APOL1: variants seen among roughly 807,000 people sequenced by gnomAD.
The protein encoded by APOL1 is apolipoprotein L1, also known as apolipoprotein L 1.
APOL1 carries 17 observed loss-of-function variants against 14.9 expected under a neutral mutation model. The observed-to-expected ratio is 1.14, with a 90% confidence interval of 0.78 to 1.71. The LOEUF (loss-of-function observed/expected upper bound fraction) is 1.71, where lower values mean the gene tolerates loss of function less well. Ranked by LOEUF, APOL1 falls within the 40% of genes most tolerant of loss-of-function variation. The pLI is 0.00. For synonymous variants in APOL1, 195 were observed against 184.8 expected (o/e 1.05, Z -0.45); for missense variants, 523 against 485.9 (o/e 1.08, Z -0.72).
At position 36,259,692 on chromosome 22, in the gene APOL1, A is replaced by C. The variant is rs547985502; in HGVS notation, c.188-1904A>C. The C allele has an allele frequency of 2.5e-5, 33 of 1,303,462 alleles. No homozygotes were observed. In the South Asian group the frequency reaches 4.0e-4, roughly 16 times the overall value. 80.7% of individuals were successfully genotyped at this position (1,303,462 alleles called of 1,614,324 possible). A position where few individuals can be genotyped will look rare whatever the true frequency, so the allele number is the denominator to read the frequency against. ...AGGCCCAGCTGGGTCCAGAGGTGAC[A>C]GTGGAGAGCCGTGTACCCTGAGACC... On this transcript the variant is annotated intron_variant, in intron 4 of 5. Coordinates refer to ENST00000397278, the MANE Select transcript of APOL1 (RefSeq NM_003661.4).
rs1603481811 is a variant in APOL1 at position 36,253,167 on chromosome 22, A to C, written c.-72A>C. On this transcript the variant is annotated 5_prime_UTR_variant, in exon 1 of 6. Coordinates refer to ENST00000397278, the MANE Select transcript of APOL1 (RefSeq NM_003661.4). Reference sequence around the variant, plus strand: ...ACGCATAACTGGAGGTGGGATCCACACAGCTCAGAACAGCTGGATCTTGCT... The same window carrying C: ...ACGCATAACTGGAGGTGGGATCCACCCAGCTCAGAACAGCTGGATCTTGCT... 2.0e-6 allele frequency: 1 copy of C among 504,864 alleles called. No homozygotes were observed. Among genetic ancestry groups the C allele is most frequent in the East Asian group, 5.9e-5 (1 of 16,898 alleles). The allele number at this position is 504,864 out of a possible 1,614,324, so 31.3% of individuals were successfully genotyped here.
rs2016259048 is a variant in APOL1, at chr22:36,266,277, G to C, written c.*244G>C. 4.3e-6 allele frequency: 2 copies of C among 470,284 alleles called. No individual in the cohort carries two copies. The highest frequency in any genetic ancestry group is 7.5e-6 in the Non-Finnish European group (2 of 268,454). The allele number at this position is 470,284 out of a possible 1,614,324, so 29.1% of individuals were successfully genotyped here. ...AGCTAATTTTTGTATTTTTAATAGA[G>C]ATGGGGTTTCACCATGTTGGCCAGG... is the stretch of plus-strand genomic sequence containing the variant. On this transcript the variant is annotated 3_prime_UTR_variant, in exon 6 of 6. Coordinates refer to ENST00000397278, the MANE Select transcript of APOL1 (RefSeq NM_003661.4).
At chr22:36,254,493 A>G (rs933892709) in intron 1 of APOL1, among the ~76,000 whole-genome samples, 2 of 152,090 alleles carry the variant, frequency 1.3e-5, no homozygotes, top group South Asian at 2.1e-4. Flanking sequence ...CTTGAGCCCA[A>G]CAGATCTAGG....
At chr22:36,255,029 A>C in intron 2 of APOL1, 30 bp downstream of exon 2, 1 of 1,600,944 alleles carries the variant, frequency 6.2e-7, no homozygotes, top group Non-Finnish European at 8.6e-7. Flanking sequence ...CTGAGGCGGG[A>C]GGGAGGGCTC....
At chr22:36,258,441 T>C (rs955436127) in intron 4 of APOL1, among the ~76,000 whole-genome samples, 2 of 152,340 alleles carry the variant, frequency 1.3e-5, no homozygotes, top group Non-Finnish European at 2.9e-5. Context: ...TGGTTGCACT[T>C]ACAAAACTGC....
At chr22:36,256,049 A>G (rs2146296720) in intron 2 of APOL1, among the ~76,000 whole-genome samples, 1 of 152,222 alleles carries the variant, frequency 6.6e-6, no homozygotes, top group East Asian at 1.9e-4. Context: ...AAAAATGATA[A>G]TATTAATCCT....
intron 1 of APOL1, among the ~76,000 whole-genome samples, chr22:36,254,344 A>T (rs891321893): frequency 6.6e-6 from 1 of 152,056 alleles, no homozygotes; most frequent in African/African-American, 2.4e-5. Flanking sequence ...CGGGAGGATG[A>T]CTTGAGGCCA....
chr22:36,258,872 T>A (rs1176910120), intron 4 of APOL1, among the ~76,000 whole-genome samples: 1 of 152,124 alleles, frequency 6.6e-6, no homozygotes, highest in Non-Finnish European at 1.5e-5. Flanking sequence ...TGATTGAGTG[T>A]GAGGCAAAAC....
chr22:36,258,736 G>A (rs73403863), intron 4 of APOL1, among the ~76,000 whole-genome samples: 1 of 152,184 alleles, frequency 6.6e-6, no homozygotes, highest in Admixed American at 6.5e-5. Flanking sequence ...GTAAGCATAA[G>A]GATTTCTGGG....
At chr22:36,257,940 C>A (rs116280906) in intron 4 of APOL1, among the ~76,000 whole-genome samples, 9,261 of 152,278 alleles carry the variant, frequency 0.061, 329 homozygotes, top group African/African-American at 0.094. Context: ...CCCGGTCTGT[C>A]CTTTGCCACA....
intron 1 of APOL1, 57 bp from the exon 2 acceptor site, chr22:36,254,879 GA>G (rs1569533712): frequency 6.2e-7 from 1 of 1,600,216 alleles, no homozygotes; most frequent in Admixed American, 1.7e-5. Flanking sequence ...AAAATGAAAT[GA>G]AAATGGTGAT....
At chr22:36,258,000 A>T (rs1014444528) in intron 4 of APOL1, among the ~76,000 whole-genome samples, 1 of 152,166 alleles carries the variant, frequency 6.6e-6, no homozygotes. Flanking sequence ...CTGTACCATG[A>T]GAATAATATT....
chr22:36,263,975 C>G (rs995409274), intron 5 of APOL1, among the ~76,000 whole-genome samples: 2 of 152,128 alleles, frequency 1.3e-5, no homozygotes, highest in East Asian at 3.9e-4. Context: ...CGTAATCAGA[C>G]AGCAAGGGGG....
chr22:36,258,531 G>A (rs181375052), intron 4 of APOL1, among the ~76,000 whole-genome samples: 2 of 152,330 alleles, frequency 1.3e-5, no homozygotes, highest in African/African-American at 4.8e-5. Flanking sequence ...GAATACAGGT[G>A]AGACCGGAAC....
chr22:36,265,063 G>A lies in APOL1; in HGVS notation c.315-88G>A, dbSNP rs1006543583. On this transcript the variant is annotated intron_variant, in intron 5 of 5. Transcript: ENST00000397278. ...CCTGACCTTGTGATCCACCCGCCTTGGCCTCCCAAAGTGCTGGGATTACAG... is the reference window on the plus strand; with the variant it reads ...CCTGACCTTGTGATCCACCCGCCTTAGCCTCCCAAAGTGCTGGGATTACAG... 13 of 1,511,108 alleles carry A rather than the reference G, an allele frequency of 8.6e-6. No homozygotes were observed. In the Admixed American group the frequency reaches 1.5e-4, roughly 18 times the overall value. The allele number at this position is 1,511,108 out of a possible 1,614,324, so 93.6% of individuals were successfully genotyped here.
Position 36,265,740 on chromosome 22 carries a change from T to A in APOL1, c.904T>A (p.Ser302Thr). 2 of 1,614,122 alleles carry A rather than the reference T, an allele frequency of 1.2e-6. No homozygotes were observed. The highest frequency in any genetic ancestry group is 1.7e-5 in the Admixed American group (1 of 60,014). ...TCAGTCAGTACCGCATGCCTCAGCC[T>A]CACGCCCCCGGGTCACTGAGCCAAT... ...NLQSVPHASA[S>T]RPRVTEPISA... The change falls in exon 6 of 6, where the codon TCA (serine) becomes ACA (threonine). Residue 302 changes from serine to threonine, a missense_variant. Coordinates refer to ENST00000397278, the MANE Select transcript of APOL1 (RefSeq NM_003661.4).
intron 4 of APOL1, 116 bp downstream of exon 4, chr22:36,257,523 T>G: frequency 9.2e-7 from 1 of 1,082,564 alleles, no homozygotes; most frequent in Non-Finnish European, 1.4e-6. Flanking sequence ...CCAATGAGTC[T>G]GCCCAAAGCA....
At chr22:36,253,757 C>G (rs1396340011) in intron 1 of APOL1, 1 of 602,982 alleles carries the variant, frequency 1.7e-6, no homozygotes, top group African/African-American at 1.9e-5. Context: ...AATGACTTGC[C>G]CAGGGTCCCG....
chr22:36,253,583 G>T (rs1424035868), intron 1 of APOL1, among the ~76,000 whole-genome samples: 1 of 152,212 alleles, frequency 6.6e-6, no homozygotes. Flanking sequence ...TGTTCTTATG[G>T]CCAGGCCACA....
Sources: allele counts gnomAD v4.1 joint callset (sites outside exome capture counted in the v4.1 genomes callset), GRCh38; gene constraint gnomAD v4.1.1; transcripts MANE v1.5; gene names NCBI Gene and HGNC (gene_info 2026-07-23, HGNC 2026-07-21).